Variants in KCND2 observed in about 807,000 individuals in gnomAD.
The protein encoded by KCND2 is potassium voltage-gated channel subfamily D member 2.
In KCND2, 16 loss-of-function variants were observed where a neutral mutation model predicts 54.4. The observed-to-expected ratio is 0.29, with a 90% CI of 0.20 to 0.45. The LOEUF (loss-of-function observed/expected upper bound fraction) is 0.45, where lower values mean the gene tolerates loss of function less well. KCND2 is among the 20% of genes least tolerant of loss of function. KCND2 has a pLI of 1.00. For synonymous variants in KCND2, 317 were observed against 310.7 expected, an observed-to-expected ratio of 1.02 and a Z score of -0.21; for missense variants, 486 against 824.2, an observed-to-expected ratio of 0.59 and a Z score of 5.02.
At chr7:120,650,114 G>A (rs1044829089) in intron 1 of KCND2, among the ~76,000 whole-genome samples, 12 of 150,498 alleles carry the variant, frequency 8.0e-5, no homozygotes, top group Non-Finnish European at 2.9e-5. Flanking sequence ...TCTTCTCGAG[G>A]AGTATCTTTG....
At chr7:120,622,485 T>TTATATATATATATATATA (rs370315618) in intron 1 of KCND2, among the ~76,000 whole-genome samples, 3 of 150,986 alleles carry the variant, frequency 2.0e-5, no homozygotes, top group African/African-American at 7.3e-5. Flanking sequence ...TGCGAAATTG[T>TTATATATATATATATATA]TATATATATA....
At chr7:120,474,027 T>C (rs957488861) in intron 1 of KCND2, among the ~76,000 whole-genome samples, 2 of 152,202 alleles carry the variant, frequency 1.3e-5, no homozygotes, top group Non-Finnish European at 2.9e-5. Flanking sequence ...TGTGATCTAA[T>C]GGTGCGTCTT....
chr7:120,375,831 A>T (rs747445670), intron 1 of KCND2, among the ~76,000 whole-genome samples: 3 of 151,864 alleles, frequency 2.0e-5, no homozygotes, highest in African/African-American at 7.2e-5. Context: ...TAAGGCCAGC[A>T]TGACCTACAA....
intron 1 of KCND2, among the ~76,000 whole-genome samples, chr7:120,583,786 G>GC (rs1792551663): frequency 1.3e-4 from 2 of 15,716 alleles, no homozygotes; most frequent in African/African-American, 2.0e-4. Context: ...AGGAATTGTG[G>GC]GGGGGGGGAC....
intron 1 of KCND2, among the ~76,000 whole-genome samples, chr7:120,460,369 G>A (rs534365126): frequency 1.3e-5 from 2 of 152,026 alleles, no homozygotes; most frequent in African/African-American, 4.8e-5. Context: ...ATCTAGAGAC[G>A]GAGCTTATAT....
intron 1 of KCND2, among the ~76,000 whole-genome samples, chr7:120,656,720 G>A (rs1483213063): frequency 6.6e-6 from 1 of 152,102 alleles, no homozygotes. Flanking sequence ...TAATTAATAT[G>A]ACTTATCCTG....
intron 1 of KCND2, among the ~76,000 whole-genome samples, chr7:120,466,054 A>C (rs1444768373): frequency 6.6e-6 from 1 of 152,188 alleles, no homozygotes; most frequent in Non-Finnish European, 1.5e-5. Context: ...AATGCATTAT[A>C]AGATGTTTAA....
chr7:120,692,444 A>C (rs902291415), intron 1 of KCND2, among the ~76,000 whole-genome samples: 1 of 152,170 alleles, frequency 6.6e-6, no homozygotes, highest in African/African-American at 2.4e-5. Context: ...CATTTACTAT[A>C]ATGACAGAAA....
intron 1 of KCND2, among the ~76,000 whole-genome samples, chr7:120,406,376 C>G (rs1801358248): frequency 6.6e-6 from 1 of 151,974 alleles, no homozygotes; most frequent in South Asian, 2.1e-4. Flanking sequence ...TTCAGTGAAG[C>G]TTGTGATTTT....
chr7:120,389,292 A>G lies in KCND2; in HGVS notation c.1115+113545A>G, dbSNP rs148109932. 3.1e-3 allele frequency among the ~76,000 whole-genome samples: 475 copies of G among 152,022 alleles called. 1 individual carries two copies. The highest frequency in any genetic ancestry group is 5.3e-3 in the Non-Finnish European group (362 of 67,914). ...AGATATACATGATATTTTGATACAC[A>G]TAGTGAAATGATTATTACACTCAAG... On this transcript the variant is annotated intron_variant, in intron 1 of 5. Transcript: ENST00000331113.
chr7:120,303,237 G>T (rs1799610476), intron 1 of KCND2, among the ~76,000 whole-genome samples: 1 of 152,178 alleles, frequency 6.6e-6, no homozygotes, highest in Non-Finnish European at 1.5e-5. Flanking sequence ...TGCAGAATTT[G>T]AGAAAGAGTA....
intron 1 of KCND2, among the ~76,000 whole-genome samples, chr7:120,579,023 A>C (rs926563790): frequency 6.6e-6 from 1 of 152,166 alleles, no homozygotes; most frequent in Non-Finnish European, 1.5e-5. Context: ...TTTTTCCTAG[A>C]TATTCACTCC....
chr7:120,518,641 A>G (rs1364968023), intron 1 of KCND2, among the ~76,000 whole-genome samples: 1 of 152,192 alleles, frequency 6.6e-6, no homozygotes, highest in Non-Finnish European at 1.5e-5. Flanking sequence ...TCTAAATTTC[A>G]TTATAGCTGC....
chr7:120,309,452 C>CATATATATATATATATATAT lies in KCND2; in HGVS notation c.1115+33709_1115+33728dup, dbSNP rs61690032. ...TAAATAGTTTAAATATAATAGAAAACATATATATATATATATATATATACA... is the reference window on the plus strand; with the variant it reads ...TAAATAGTTTAAATATAATAGAAAACATATATATATATATATATATATATATATATATATATATATATACA... On this transcript the variant is annotated intron_variant, in intron 1 of 5. Transcript: ENST00000331113. 6.4e-3 allele frequency among the ~76,000 whole-genome samples: 434 copies of CATATATATATATATATATAT among 67,922 alleles called. 2 individuals carry two copies. The highest frequency in any genetic ancestry group is 0.011 in the Middle Eastern group (1 of 90). 44.6% of individuals were successfully genotyped at this position (67,922 alleles called of 152,430 possible).
intron 1 of KCND2, among the ~76,000 whole-genome samples, chr7:120,488,021 A>G (rs1355857814): frequency 1.3e-5 from 2 of 151,884 alleles, no homozygotes; most frequent in East Asian, 3.9e-4. Context: ...TCTATACAAA[A>G]AAACAAAACA....
At chr7:120,505,057 A>G (rs959259334) in intron 1 of KCND2, among the ~76,000 whole-genome samples, 14 of 151,808 alleles carry the variant, frequency 9.2e-5, no homozygotes, top group Non-Finnish European at 1.8e-4. Flanking sequence ...TCAAATTTAA[A>G]AAGTGCTCAG....
intron 4 of KCND2, among the ~76,000 whole-genome samples, chr7:120,743,741 C>G (rs1562925962): frequency 6.6e-6 from 1 of 152,014 alleles, no homozygotes; most frequent in Admixed American, 6.5e-5. Context: ...TAAGAGTGGT[C>G]AGAAGAAGAG....
intron 1 of KCND2, among the ~76,000 whole-genome samples, chr7:120,401,412 T>C (rs1461062054): frequency 6.6e-6 from 1 of 152,154 alleles, no homozygotes; most frequent in African/African-American, 2.4e-5. Context: ...AAGTTACATC[T>C]AAAACATTTA....
At chr7:120,307,980 G>C (rs1381292389) in intron 1 of KCND2, among the ~76,000 whole-genome samples, 1 of 152,074 alleles carries the variant, frequency 6.6e-6, no homozygotes, top group Non-Finnish European at 1.5e-5. Flanking sequence ...GTGGGTTTTA[G>C]AATTTTATGA....
Sources: allele counts gnomAD v4.1 joint callset (sites outside exome capture counted in the v4.1 genomes callset), GRCh38; gene constraint gnomAD v4.1.1; transcripts MANE v1.5; gene names NCBI Gene and HGNC (gene_info 2026-07-23, HGNC 2026-07-21).